Variants in RPS6KA2 observed in about 807,000 individuals in gnomAD.
The protein encoded by RPS6KA2 is ribosomal protein S6 kinase A2, also known as ribosomal protein S6 kinase alpha-2.
RPS6KA2 carries 42 observed loss-of-function variants against 91.8 expected under a neutral mutation model. The ratio of observed to expected loss-of-function variants is 0.46; its 90% confidence interval spans 0.36 to 0.59. The LOEUF (loss-of-function observed/expected upper bound fraction) is 0.59, where lower values mean the gene tolerates loss of function less well. Ranked by LOEUF, RPS6KA2 falls within the 20% of genes least tolerant of loss-of-function variation. The pLI is 0.00. For missense variants in RPS6KA2, 798 were observed against 978.5 expected (o/e 0.82, Z 2.46); for synonymous variants, 414 against 393.6 (o/e 1.05, Z -0.61).
intron 1 of RPS6KA2, among the ~76,000 whole-genome samples, chr6:166,859,285 C>T (rs1276612224): frequency 6.6e-6 from 1 of 152,180 alleles, no homozygotes; most frequent in Non-Finnish European, 1.5e-5. Flanking sequence ...TCCAAGAGAA[C>T]ACAAATAAAA....
At chr6:166,800,070 A>G (rs1359665360) in intron 2 of RPS6KA2, among the ~76,000 whole-genome samples, 1 of 152,168 alleles carries the variant, frequency 6.6e-6, no homozygotes, top group African/African-American at 2.4e-5. Flanking sequence ...TGTTTCTGGC[A>G]GTCTCCAGCC....
At chr6:166,794,682 A>C (rs1779179276) in intron 2 of RPS6KA2, among the ~76,000 whole-genome samples, 5 of 151,690 alleles carry the variant, frequency 3.3e-5, no homozygotes, top group Admixed American at 3.3e-4. Flanking sequence ...GCCATAAAAA[A>C]TGATGAGTTC....
At chr6:166,742,310 A>G (rs1397332620) in intron 2 of RPS6KA2, among the ~76,000 whole-genome samples, 1 of 152,232 alleles carries the variant, frequency 6.6e-6, no homozygotes, top group Non-Finnish European at 1.5e-5. Flanking sequence ...AATCTCTTCA[A>G]GAAGAAATGT....
chr6:166,468,910 C>G (rs1780647318), intron 11 of RPS6KA2, among the ~76,000 whole-genome samples: 1 of 150,378 alleles, frequency 6.6e-6, no homozygotes, highest in Non-Finnish European at 1.5e-5. Context: ...ATAATAAACT[C>G]TATACTGTAG....
At chr6:166,678,714 C>T (rs1297219811) in intron 2 of RPS6KA2, among the ~76,000 whole-genome samples, 1 of 152,220 alleles carries the variant, frequency 6.6e-6, no homozygotes, top group African/African-American at 2.4e-5. Flanking sequence ...CAGGTGGTGA[C>T]CTTTGTCCAA....
At chr6:166,775,140 T>C (rs1736537740) in intron 2 of RPS6KA2, among the ~76,000 whole-genome samples, 1 of 152,202 alleles carries the variant, frequency 6.6e-6, no homozygotes, top group African/African-American at 2.4e-5. Context: ...AAATGGTTAA[T>C]TTAAAACGGT....
At chr6:166,808,174 C>A (rs974512115) in intron 2 of RPS6KA2, among the ~76,000 whole-genome samples, 1 of 152,228 alleles carries the variant, frequency 6.6e-6, no homozygotes, top group Non-Finnish European at 1.5e-5. Context: ...AGGTCCATCA[C>A]AGGGACACAC....
chr6:166,543,666 T>G (rs1292170870), intron 1 of RPS6KA2, among the ~76,000 whole-genome samples: 1 of 152,196 alleles, frequency 6.6e-6, no homozygotes, highest in African/African-American at 2.4e-5. Flanking sequence ...TTTGTCTCCA[T>G]GTAGTTACCC....
chr6:166,653,799 C>T (rs752144028), intron 2 of RPS6KA2, among the ~76,000 whole-genome samples: 17 of 152,136 alleles, frequency 1.1e-4, no homozygotes, highest in Non-Finnish European at 2.5e-4. Flanking sequence ...AGAGAAATAT[C>T]GGAAAACAGA....
At position 166,418,552 on chromosome 6, in the gene RPS6KA2, T is replaced by C. The variant is rs969750051; in HGVS notation, c.1821-210A>G. Among the ~76,000 whole-genome samples the C allele has an allele frequency of 4.6e-5, 7 of 152,234 alleles. No individual in the cohort carries two copies. The highest frequency in any genetic ancestry group is 1.0e-4 in the Non-Finnish European group (7 of 68,044). On this transcript the variant is annotated intron_variant, in intron 18 of 20. Coordinates refer to ENST00000265678, the MANE Select transcript of RPS6KA2 (RefSeq NM_021135.6). This position sits in a 1 kb window ranked among gnomAD's most constrained non-coding sequence, Gnocchi z 4.9. ...TAGCAATTGGGTGGCTAGAGGTTGA[T>C]GGGCAAGTGGGAGAGCCCTGTGAGA...
intron 1 of RPS6KA2, among the ~76,000 whole-genome samples, chr6:166,615,781 C>A (rs977525118): frequency 1.3e-5 from 2 of 152,176 alleles, no homozygotes; most frequent in African/African-American, 2.4e-5. Flanking sequence ...GCACACCCCC[C>A]CAGGATGGGC....
intron 2 of RPS6KA2, among the ~76,000 whole-genome samples, chr6:166,640,606 C>T (rs1787400250): frequency 6.6e-6 from 1 of 152,202 alleles, no homozygotes; most frequent in Admixed American, 6.5e-5. Flanking sequence ...CTTCCCGGAA[C>T]ACATGAGAAT....
At chr6:166,687,192 C>A (rs762286747) in intron 2 of RPS6KA2, among the ~76,000 whole-genome samples, 1 of 152,188 alleles carries the variant, frequency 6.6e-6, no homozygotes, top group Non-Finnish European at 1.5e-5. Context: ...GCAGCCACCG[C>A]GGGCAGAGTT....
chr6:166,577,288 G>C (rs2128513366), intron 1 of RPS6KA2, among the ~76,000 whole-genome samples: 1 of 152,346 alleles, frequency 6.6e-6, no homozygotes, highest in South Asian at 2.1e-4. Flanking sequence ...TGGTGGAGCT[G>C]TGAGAAGAAG....
In RPS6KA2 at chr6:166,612,042, T is replaced by A. The variant is rs377369335; in HGVS notation, c.99+14879A>T. ...TCCTCTAATTGCACAGAAGAAATAC[T>A]GTGAATGAATAAGGCATCCAACCCA... On this transcript the variant is annotated intron_variant, in intron 1 of 20. Coordinates refer to ENST00000265678, the MANE Select transcript of RPS6KA2 (RefSeq NM_021135.6). This position sits in a 1 kb window ranked among gnomAD's most constrained non-coding sequence, Gnocchi z 4.3. 1.3e-5 allele frequency among the ~76,000 whole-genome samples: 2 copies of A among 152,232 alleles called. No homozygotes were observed. The highest frequency in any genetic ancestry group is 3.8e-4 in the East Asian group (2 of 5,200).
upstream of RPS6KA2, among the ~76,000 whole-genome samples, chr6:166,629,849 T>C (rs1787018195): frequency 6.6e-6 from 1 of 152,162 alleles, no homozygotes; most frequent in Non-Finnish European, 1.5e-5. Flanking sequence ...GTGTGGTCAA[T>C]GCAATTCCAC....
chr6:166,532,447 G>T (rs775222292), intron 2 of RPS6KA2, among the ~76,000 whole-genome samples: 8 of 152,204 alleles, frequency 5.3e-5, no homozygotes, highest in Admixed American at 2.6e-4. Flanking sequence ...AAGAGGGACC[G>T]GGAAGACGCA....
intron 2 of RPS6KA2, among the ~76,000 whole-genome samples, chr6:166,670,784 A>C (rs1262445947): frequency 6.6e-6 from 1 of 151,252 alleles, no homozygotes; most frequent in African/African-American, 2.4e-5. Context: ...GGCTACCCTC[A>C]AATGTCAGCT....
At chr6:166,811,765 C>T (rs1420581592) in intron 2 of RPS6KA2, among the ~76,000 whole-genome samples, 1 of 152,224 alleles carries the variant, frequency 6.6e-6, no homozygotes, top group Non-Finnish European at 1.5e-5. Context: ...CCGATTTCTA[C>T]TAGAGTTCCA....
Sources: allele counts gnomAD v4.1 joint callset (sites outside exome capture counted in the v4.1 genomes callset), GRCh38; gene constraint gnomAD v4.1.1; non-coding constraint Gnocchi (gnomAD v3.1); transcripts MANE v1.5; gene names NCBI Gene and HGNC (gene_info 2026-07-23, HGNC 2026-07-21).